Variants in CSMD1 observed in about 807,000 individuals in gnomAD.
CSMD1 encodes the protein CUB and Sushi multiple domains 1, also known as CUB and sushi domain-containing protein 1.
CSMD1 carries 213 observed loss-of-function variants against 417.5 expected under a neutral mutation model. The observed-to-expected ratio is 0.51, with a 90% confidence interval of 0.46 to 0.57. CSMD1 has a LOEUF of 0.57. Ranked by LOEUF, CSMD1 falls within the 20% of genes least tolerant of loss-of-function variation. The pLI is 0.00. For missense variants in CSMD1, 6,923 were observed against 4,529.7 expected, an observed-to-expected ratio of 1.53 and a Z score of -15.17; for synonymous variants, 2,862 against 1,736.8, an observed-to-expected ratio of 1.65 and a Z score of -16.11.
At chr8:4,358,995 CATAT>C (rs1801598238) in intron 3 of CSMD1, among the ~76,000 whole-genome samples, 2 of 151,916 alleles carry the variant, frequency 1.3e-5, no homozygotes, top group African/African-American at 4.8e-5. Context: ...TTTAAGTTGA[CATAT>C]ATAGGCATAT....
chr8:4,564,729 T>G (rs762324275), intron 2 of CSMD1, among the ~76,000 whole-genome samples: 1 of 152,168 alleles, frequency 6.6e-6, no homozygotes, highest in Admixed American at 6.5e-5. Flanking sequence ...TGAGGGCATT[T>G]TGATGGATCT....
At chr8:4,626,261 T>C (rs2130828485) in intron 2 of CSMD1, among the ~76,000 whole-genome samples, 1 of 152,122 alleles carries the variant, frequency 6.6e-6, no homozygotes, top group East Asian at 1.9e-4. Flanking sequence ...TTCTGCTTCC[T>C]CTCTGATTCT....
chr8:4,150,189 G>A (rs1410611476), intron 3 of CSMD1, among the ~76,000 whole-genome samples: 8 of 152,194 alleles, frequency 5.3e-5, no homozygotes, highest in Non-Finnish European at 1.0e-4. Context: ...TGAGGCATCT[G>A]TCTTGTAGTC....
At chr8:2,998,282 T>A (rs886452506) in intron 53 of CSMD1, 98 bp from the exon 54 acceptor site, 1 of 1,263,210 alleles carries the variant, frequency 7.9e-7, no homozygotes. Context: ...GCTAACGGTA[T>A]GGACTGAAGG....
chr8:3,939,734 G>T (rs1247692332), intron 5 of CSMD1, among the ~76,000 whole-genome samples: 3 of 152,076 alleles, frequency 2.0e-5, no homozygotes, highest in Non-Finnish European at 4.4e-5. Context: ...GGATGAACCT[G>T]GAGACCATTA....
chr8:4,871,727 T>G (rs1360140144), intron 1 of CSMD1, among the ~76,000 whole-genome samples: 1 of 152,138 alleles, frequency 6.6e-6, no homozygotes, highest in Admixed American at 6.5e-5. Flanking sequence ...ATGCATAATT[T>G]CAGAGTTCAT....
intron 3 of CSMD1, among the ~76,000 whole-genome samples, chr8:4,187,922 A>G (rs1411117251): frequency 1.3e-5 from 2 of 152,090 alleles, no homozygotes; most frequent in Non-Finnish European, 2.9e-5. Context: ...TTGTTAATAA[A>G]ATACAAAACA....
At chr8:3,295,218 G>A (rs759955057) in intron 25 of CSMD1, among the ~76,000 whole-genome samples, 37 of 152,044 alleles carry the variant, frequency 2.4e-4, no homozygotes, top group South Asian at 6.2e-4. Flanking sequence ...TCTGCCACCC[G>A]GGTTCATGCC....
At chr8:3,539,850 T>C (rs1798364452) in intron 10 of CSMD1, among the ~76,000 whole-genome samples, 1 of 151,246 alleles carries the variant, frequency 6.6e-6, no homozygotes, top group Admixed American at 6.6e-5. Flanking sequence ...GAAAATCTGG[T>C]GGATAATTTT....
chr8:4,611,932 T>C (rs959999879), intron 2 of CSMD1, among the ~76,000 whole-genome samples: 6 of 152,226 alleles, frequency 3.9e-5, no homozygotes, highest in African/African-American at 1.2e-4. Flanking sequence ...GAATAGTTAC[T>C]TGTGAATTCA....
intron 10 of CSMD1, among the ~76,000 whole-genome samples, chr8:3,529,255 G>C (rs569306029): frequency 1.3e-5 from 2 of 152,316 alleles, no homozygotes; most frequent in East Asian, 3.9e-4. Context: ...ATATTTCAAT[G>C]CAAGTTCTTT....
At chr8:3,847,940 C>G (rs1043878826) in intron 5 of CSMD1, among the ~76,000 whole-genome samples, 4 of 152,084 alleles carry the variant, frequency 2.6e-5, no homozygotes, top group African/African-American at 9.7e-5. Context: ...ATTTTCTTGG[C>G]TTCAAAACAA....
At chr8:4,726,508 G>A (rs774110702) in intron 1 of CSMD1, among the ~76,000 whole-genome samples, 1 of 152,038 alleles carries the variant, frequency 6.6e-6, no homozygotes, top group Non-Finnish European at 1.5e-5. Flanking sequence ...AGACCTCAAT[G>A]GACAGGGCTT....
intron 2 of CSMD1, among the ~76,000 whole-genome samples, chr8:4,489,639 C>A (rs759554769): frequency 6.6e-6 from 1 of 152,144 alleles, no homozygotes; most frequent in Non-Finnish European, 1.5e-5. Flanking sequence ...TTCTGGTCAA[C>A]AAGGAGCTAA....
chr8:3,010,494 C>G (rs540728861), intron 52 of CSMD1, among the ~76,000 whole-genome samples: 7 of 152,242 alleles, frequency 4.6e-5, no homozygotes, highest in African/African-American at 1.4e-4. Context: ...GAGTTCGACC[C>G]CAGCACCTGC....
chr8:2,998,956 T>G (rs959307338), intron 53 of CSMD1, among the ~76,000 whole-genome samples: 1 of 152,194 alleles, frequency 6.6e-6, no homozygotes, highest in African/African-American at 2.4e-5. Context: ...TTGTCACTGT[T>G]TTATCCACAT....
chr8:4,278,971 A>G (rs1796635361), intron 3 of CSMD1, among the ~76,000 whole-genome samples: 1 of 152,234 alleles, frequency 6.6e-6, no homozygotes. Flanking sequence ...TCCATATATG[A>G]AATAAGATTG....
At chr8:4,916,932 GGT>G (rs1806103448) in intron 1 of CSMD1, among the ~76,000 whole-genome samples, 1 of 152,176 alleles carries the variant, frequency 6.6e-6, no homozygotes, top group Non-Finnish European at 1.5e-5. Context: ...ATGTCAACAG[GGT>G]GTGAGACATG....
At chr8:3,468,861 G>A (rs965927106) in intron 11 of CSMD1, 37 bp from the exon 12 acceptor site, 3 of 1,388,602 alleles carry the variant, frequency 2.2e-6, no homozygotes, top group African/African-American at 2.8e-5. Flanking sequence ...TTTAGGTAAG[G>A]CAACAAGTAC....
Sources: allele counts gnomAD v4.1 joint callset (sites outside exome capture counted in the v4.1 genomes callset), GRCh38; gene constraint gnomAD v4.1.1; transcripts MANE v1.5; gene names NCBI Gene and HGNC (gene_info 2026-07-23, HGNC 2026-07-21).